Variants in TANC2 observed in about 807,000 individuals in gnomAD.
TANC2 encodes tetratricopeptide repeat, ankyrin repeat and coiled-coil containing 2, also known as protein TANC2.
TANC2 carries 26 observed loss-of-function variants against 210.5 expected under a neutral mutation model. The observed-to-expected ratio is 0.12, with a 90% CI of 0.09 to 0.17. TANC2 has a LOEUF of 0.17. Ranked by LOEUF, TANC2 falls within the 10% of genes least tolerant of loss-of-function variation. The probability of loss-of-function intolerance (pLI) is 1.00; values close to 1 mark genes in which losing one functional copy is unlikely to be tolerated. For synonymous variants in TANC2, 931 were observed against 967.1 expected, an observed-to-expected ratio of 0.96 and a Z score of 0.69; for missense variants, 2,129 against 2,608.9, an observed-to-expected ratio of 0.82 and a Z score of 4.01.
intron 7 of TANC2, among the ~76,000 whole-genome samples, chr17:63,228,055 G>A (rs1021650583): frequency 6.6e-6 from 1 of 151,638 alleles, no homozygotes; most frequent in African/African-American, 2.4e-5. Flanking sequence ...GTAGAGACGG[G>A]TTTCACTGTG....
intron 22 of TANC2, 35 bp from the exon 23 acceptor site, chr17:63,411,963 C>G (rs1253278361): frequency 6.2e-6 from 10 of 1,612,166 alleles, no homozygotes; most frequent in Non-Finnish European, 8.5e-6. Context: ...AGCCATTACG[C>G]CTGTCCTAAC....
intron 15 of TANC2, among the ~76,000 whole-genome samples, chr17:63,382,785 T>C (rs1029190721): frequency 6.6e-6 from 1 of 152,236 alleles, no homozygotes; most frequent in African/African-American, 2.4e-5. Context: ...TTTTACACTT[T>C]TCCAATGTAG....
intron 4 of TANC2, among the ~76,000 whole-genome samples, chr17:63,130,586 G>A (rs187923681): frequency 1.3e-5 from 2 of 151,890 alleles, no homozygotes; most frequent in Admixed American, 6.6e-5. Flanking sequence ...TTTCCTGATA[G>A]GAGTTAGTGT....
At chr17:63,162,404 G>A (rs376786388) in intron 5 of TANC2, among the ~76,000 whole-genome samples, 11 of 152,262 alleles carry the variant, frequency 7.2e-5, no homozygotes, top group African/African-American at 2.6e-4. Flanking sequence ...TGATGAAAGG[G>A]AACAGAGCAG....
At chr17:63,024,635 T>C (rs972435295) in intron 2 of TANC2, among the ~76,000 whole-genome samples, 1 of 152,200 alleles carries the variant, frequency 6.6e-6, no homozygotes, top group Admixed American at 6.5e-5. Context: ...CTATTCAAGA[T>C]GGAGTATACA....
chr17:63,285,147 A>G (rs1029499028), intron 9 of TANC2, among the ~76,000 whole-genome samples: 1 of 152,144 alleles, frequency 6.6e-6, no homozygotes, highest in Non-Finnish European at 1.5e-5. Flanking sequence ...TCTTATTAGC[A>G]TCATAGTGAT....
rs1448615712 is a variant in TANC2 at position 63,237,980 on chromosome 17, T to G, written c.936T>G (p.Ser312Arg). 6.3e-7 allele frequency: 1 copy of G among 1,583,124 alleles called. No individual in the cohort carries two copies. Among genetic ancestry groups the G allele is most frequent in the African/African-American group, 1.3e-5 (1 of 74,408 alleles). The change falls in exon 8 of 28, where the codon AGT (serine) becomes AGG (arginine). Residue 312 changes from serine (S) to arginine (R), a missense_variant. By Grantham distance (110) the Ser-to-Arg change is moderately radical. Coordinates refer to ENST00000689528, the Ensembl canonical transcript of TANC2. Reference sequence around the variant, plus strand: ...AAAACATGACTGCTTCCACCTATAGTCTGAATAAGATCCCAGAGAGAAATT... The same window carrying G: ...AAAACATGACTGCTTCCACCTATAGGCTGAATAAGATCCCAGAGAGAAATT...
At chr17:63,077,698 A>C (rs1319677976) in intron 3 of TANC2, among the ~76,000 whole-genome samples, 2 of 152,198 alleles carry the variant, frequency 1.3e-5, no homozygotes, top group African/African-American at 4.8e-5. Context: ...GAGATGTTAG[A>C]ATAATGTCGT....
At chr17:63,394,016 C>T (rs1046892548) in intron 17 of TANC2, among the ~76,000 whole-genome samples, 14 of 152,116 alleles carry the variant, frequency 9.2e-5, no homozygotes, top group Non-Finnish European at 1.8e-4. Context: ...AGGTGATCCA[C>T]CCGCCTCGGC....
At chr17:63,008,623 A>T (rs1509822) in intron 1 of TANC2, among the ~76,000 whole-genome samples, 77,296 of 151,760 alleles carry the variant, frequency 0.51, 21,130 homozygotes, top group African/African-American at 0.71. Flanking sequence ...AGAGAAAAAG[A>T]ATTAAAGCTG....
At chr17:63,309,242 T>A (rs1465304919) in intron 9 of TANC2, among the ~76,000 whole-genome samples, 1 of 152,174 alleles carries the variant, frequency 6.6e-6, no homozygotes. Flanking sequence ...TAGAATAAGT[T>A]CCCAGAACAG....
At chr17:63,377,449 G>A (rs1263690358) in intron 14 of TANC2, among the ~76,000 whole-genome samples, 1 of 151,920 alleles carries the variant, frequency 6.6e-6, no homozygotes, top group East Asian at 1.9e-4. Flanking sequence ...CAGATCTCTG[G>A]GGCAAGGGCA....
In TANC2 at chr17:63,401,861, G is replaced by A. The variant is rs184078511; in HGVS notation, c.3331+2947G>A. On this transcript the variant is annotated intron_variant, in intron 19 of 27. Coordinates refer to ENST00000689528, the Ensembl canonical transcript of TANC2. ...GCCCCAAAAAGAAACCAGAGTTTAC[G>A]ACATAAACTTACTAGATTCCTTTAA... 1.1e-3 allele frequency among the ~76,000 whole-genome samples: 168 copies of A among 152,258 alleles called. 2 individuals are homozygous for A. Among genetic ancestry groups the A allele is most frequent in the Admixed American group, 0.01 (159 of 15,290 alleles).
rs2048692994 is a variant in TANC2 at position 63,411,213 on chromosome 17, T to C, written c.3590-298T>C. 2.6e-5 allele frequency among the ~76,000 whole-genome samples: 4 copies of C among 152,136 alleles called. No homozygotes were observed. The South Asian group carries it at 8.3e-4, about 31-fold the overall frequency. On this transcript the variant is annotated intron_variant, in intron 21 of 27. Coordinates refer to ENST00000689528, the Ensembl canonical transcript of TANC2. ...TCCGAGAGGCAGTGAGCACATCCAT[T>C]TGGCCAAAGTGGAGGATTCTCACAG...
intron 2 of TANC2, among the ~76,000 whole-genome samples, chr17:63,013,516 CT>C (rs2033967280): frequency 6.6e-6 from 1 of 152,062 alleles, no homozygotes; most frequent in Admixed American, 6.5e-5. Flanking sequence ...AATCCTAGCA[CT>C]TTGGGAGGCC....
chr17:63,415,518 C>T lies in TANC2; in HGVS notation c.4021-10C>T. The T allele has an allele frequency of 1.2e-6, 2 of 1,612,872 alleles. No individual in the cohort carries two copies. The highest frequency in any genetic ancestry group is 1.1e-5 in the South Asian group (1 of 91,008). On this transcript the variant is annotated splice_polypyrimidine_tract_variant and intron_variant, in intron 25 of 27. Coordinates refer to ENST00000689528, the Ensembl canonical transcript of TANC2. ...CAACTGTGTGTTTCGCCATCTTGTG[C>T]TCCCATTAGAAAGGTAAAGTAAAGG... is the stretch of plus-strand genomic sequence containing the variant.
intron 1 of TANC2, among the ~76,000 whole-genome samples, chr17:63,001,545 TTTTC>T (rs1212541317): frequency 1.3e-4 from 20 of 151,548 alleles, no homozygotes; most frequent in Admixed American, 6.6e-4. Flanking sequence ...TTTTTTTTCT[TTTTC>T]TTTCTTTCTT....
chr17:63,114,146 A>T (rs979763131), intron 4 of TANC2, among the ~76,000 whole-genome samples: 2 of 152,192 alleles, frequency 1.3e-5, no homozygotes, highest in African/African-American at 4.8e-5. Context: ...CTGCCAACTC[A>T]TGACCTTTTT....
intron 5 of TANC2, among the ~76,000 whole-genome samples, chr17:63,177,453 G>C (rs912100636): frequency 1.3e-5 from 2 of 151,784 alleles, no homozygotes; most frequent in Non-Finnish European, 2.9e-5. Flanking sequence ...AGAATGCTTA[G>C]ATTGAGCAGA....
Sources: allele counts gnomAD v4.1 joint callset (sites outside exome capture counted in the v4.1 genomes callset), GRCh38; gene constraint gnomAD v4.1.1; transcripts MANE v1.5; gene names NCBI Gene and HGNC (gene_info 2026-07-23, HGNC 2026-07-21).